Variants in RANBP3 observed in about 807,000 individuals in gnomAD.
RANBP3 encodes the protein RAN binding protein 3.
A neutral mutation model predicts 77.3 loss-of-function variants in RANBP3; 14 were observed. The ratio of observed to expected loss-of-function variants is 0.18; its 90% confidence interval spans 0.12 to 0.28. RANBP3 has a LOEUF of 0.28. Among genes scored for constraint, RANBP3 ranks in the 10% least tolerant of loss-of-function variants. The probability of loss-of-function intolerance (pLI) is 1.00; values close to 1 mark genes in which losing one functional copy is unlikely to be tolerated. For missense variants in RANBP3, 586 were observed against 752.3 expected, an observed-to-expected ratio of 0.78 and a Z score of 2.59; for synonymous variants, 315 against 312.4, an observed-to-expected ratio of 1.01 and a Z score of -0.09.
rs1437060765 is a variant in RANBP3 at position 5,978,110 on chromosome 19, C to A, written c.-28G>T. ...TACTTCCTTAAGCCCTCCCACAAGGCCCCGCGCCGGCCCAGGCTCGCCTGC... is the reference window on the plus strand; with the variant it reads ...TACTTCCTTAAGCCCTCCCACAAGGACCCGCGCCGGCCCAGGCTCGCCTGC... On this transcript the variant is annotated 5_prime_UTR_variant, in exon 1 of 17. Transcript: ENST00000340578. 2 of 1,602,692 alleles carry A rather than the reference C, an allele frequency of 1.2e-6. No individual in the cohort carries two copies. The highest frequency in any genetic ancestry group is 1.4e-5 in the African/African-American group (1 of 73,412).
chr19:5,972,805 C>A (rs1429549025), intron 1 of RANBP3, among the ~76,000 whole-genome samples: 1 of 152,222 alleles, frequency 6.6e-6, no homozygotes, highest in Non-Finnish European at 1.5e-5. Flanking sequence ...CCCATTCCTG[C>A]TGCTTCTGCT....
At position 5,958,269 on chromosome 19, in the gene RANBP3, GGA is replaced by G. The variant is rs570705375; in HGVS notation, c.23-298_23-297del. On this transcript the variant is annotated intron_variant, in intron 1 of 16. Coordinates refer to ENST00000340578, the MANE Select transcript of RANBP3 (RefSeq NM_007322.3). This position sits in a 1 kb window ranked among gnomAD's most constrained non-coding sequence, Gnocchi z 4.4. The stretch of plus-strand genomic sequence containing the variant: ...GTGTAAATGGGAGTGGGAGAGCAGC[GGA>G]GAGTGTGGCAGCGCTATTTGGCGCC... Among the ~76,000 whole-genome samples the G allele has an allele frequency of 1.6e-4, 24 of 152,272 alleles. No homozygotes were observed. The highest frequency in any genetic ancestry group is 3.4e-3 in the Middle Eastern group (1 of 294).
intron 3 of RANBP3, among the ~76,000 whole-genome samples, chr19:5,947,300 G>A (rs550886503): frequency 6.1e-5 from 9 of 147,760 alleles, no homozygotes; most frequent in African/African-American, 2.3e-4. Context: ...GGCAACAGAG[G>A]GAGACTCTGT....
rs1164381520 is a variant in RANBP3 at position 5,959,205 on chromosome 19, G to C, written c.23-1232C>G. ...AGGCGGTGGGCATGCTGACTTGCTG[G>C]GGAAATGTCATAAAAGGCAAGGGGA... On this transcript the variant is annotated intron_variant, in intron 1 of 16. Coordinates refer to ENST00000340578, the MANE Select transcript of RANBP3 (RefSeq NM_007322.3). The surrounding 1 kb of genome is among the most constrained non-coding windows in gnomAD (Gnocchi z 5.1). Among the ~76,000 whole-genome samples, 1 of 152,126 alleles carries C rather than the reference G, an allele frequency of 6.6e-6. No individual in the cohort carries two copies. The highest frequency in any genetic ancestry group is 6.5e-5 in the Admixed American group (1 of 15,270).
At chr19:5,946,117 T>G (rs963813441) in intron 3 of RANBP3, among the ~76,000 whole-genome samples, 1 of 152,188 alleles carries the variant, frequency 6.6e-6, no homozygotes, top group South Asian at 2.1e-4. Context: ...CCTGCGTGTC[T>G]GAGATGCTGT....
chr19:5,946,833 TCCA>T (rs1302255263), intron 3 of RANBP3, among the ~76,000 whole-genome samples: 1 of 152,192 alleles, frequency 6.6e-6, no homozygotes, highest in African/African-American at 2.4e-5. Context: ...CAATGCCAGC[TCCA>T]CATTTTCCAT....
rs1052060838 is a variant in RANBP3, at chr19:5,916,841, ACTC to A, written c.*766_*768del. Reference sequence around the variant, plus strand: ...CAGGCCTAGGACAGACAGGGCCCCAACTCCTCATCACCCCATGACTTGGCCTGG... The same window carrying A: ...CAGGCCTAGGACAGACAGGGCCCCAACTCATCACCCCATGACTTGGCCTGG... On this transcript the variant is annotated 3_prime_UTR_variant, in exon 17 of 17. Coordinates refer to ENST00000340578, the MANE Select transcript of RANBP3 (RefSeq NM_007322.3). 3 of 151,840 alleles carry A rather than the reference ACTC, an allele frequency of 2.0e-5. No individual in the cohort carries two copies. Among genetic ancestry groups the A allele is most frequent in the Non-Finnish European group, 4.4e-5 (3 of 68,012 alleles). The allele number at this position is 151,840 out of a possible 1,614,324, so 9.4% of individuals were successfully genotyped here.
intron 5 of RANBP3, among the ~76,000 whole-genome samples, chr19:5,941,011 C>A (rs1393342734): frequency 6.6e-6 from 1 of 152,268 alleles, no homozygotes; most frequent in African/African-American, 2.4e-5. Flanking sequence ...CCAGGCCTCA[C>A]GTCCAGGGCC....
chr19:5,932,560 G>A lies in RANBP3; in HGVS notation c.473-16C>T, dbSNP rs745696959. ...CTTGGCAGACCTAGGAACAGAAGGC[G>A]GCCTTCCCAGTGCCCGTGGACCCCT... is the stretch of plus-strand genomic sequence containing the variant. On this transcript the variant is annotated splice_polypyrimidine_tract_variant and intron_variant, in intron 6 of 16. Coordinates refer to ENST00000340578, the MANE Select transcript of RANBP3 (RefSeq NM_007322.3). 1.4e-5 allele frequency: 22 copies of A among 1,610,468 alleles called. No homozygotes were observed. The highest frequency in any genetic ancestry group is 4.0e-5 in the African/African-American group (3 of 74,988).
chr19:5,923,099 G>A, intron 13 of RANBP3, 95 bp downstream of exon 13: 2 of 981,840 alleles, frequency 2.0e-6, no homozygotes, highest in Non-Finnish European at 3.2e-6. Context: ...TCAGGGGCAG[G>A]CCTGTGTGCT....
At chr19:5,977,363 A>C (rs929007621) in intron 1 of RANBP3, among the ~76,000 whole-genome samples, 1 of 152,160 alleles carries the variant, frequency 6.6e-6, no homozygotes, top group African/African-American at 2.4e-5. Flanking sequence ...CGCTCCACAG[A>C]GGAGGGACTC....
intron 2 of RANBP3, among the ~76,000 whole-genome samples, chr19:5,953,914 T>C (rs372702167): frequency 1.2e-4 from 19 of 152,252 alleles, no homozygotes; most frequent in African/African-American, 4.3e-4. Flanking sequence ...CCTGGAACGA[T>C]AGGATTTGGC....
chr19:5,933,080 G>A (rs966780572), intron 6 of RANBP3: 8 of 323,072 alleles, frequency 2.5e-5, no homozygotes, highest in Non-Finnish European at 4.6e-5. Flanking sequence ...TAACTGGGGC[G>A]AACACTGTGG....
Position 5,921,536 on chromosome 19 carries a change from A to G in RANBP3, c.1210-215T>C, listed in dbSNP as rs975437076. ...AATTAAAAGAATCACTAAGGAAATG[A>G]AAAGCAAAACAACGGTGAGAAGCCT... On this transcript the variant is annotated intron_variant, in intron 13 of 16. Coordinates refer to ENST00000340578, the MANE Select transcript of RANBP3 (RefSeq NM_007322.3). This position sits in a 1 kb window ranked among gnomAD's most constrained non-coding sequence, Gnocchi z 5.3. Among the ~76,000 whole-genome samples the G allele has an allele frequency of 6.6e-6, 1 of 152,258 alleles. No homozygotes were observed. Among genetic ancestry groups the G allele is most frequent in the African/African-American group, 2.4e-5 (1 of 41,472 alleles).
intron 1 of RANBP3, among the ~76,000 whole-genome samples, chr19:5,960,937 G>T (rs1003062327): frequency 1.3e-5 from 2 of 152,204 alleles, no homozygotes; most frequent in Non-Finnish European, 2.9e-5. Flanking sequence ...TATGGAAGGG[G>T]ACGTGAGGGT....
Position 5,957,978 on chromosome 19 carries a change from A to G in RANBP3, c.23-5T>C. On this transcript the variant is annotated splice_polypyrimidine_tract_variant and splice_region_variant and intron_variant, in intron 1 of 16. Transcript: ENST00000340578. ...GCGGAGCAATGGCAGGCTTTTCTGC[A>G]AAAAGAAAAATTAGTTTTTTTCCCC... 6.2e-7 allele frequency: 1 copy of G among 1,614,230 alleles called. No homozygotes were observed. Among genetic ancestry groups the G allele is most frequent in the South Asian group, 1.1e-5 (1 of 91,088 alleles).
rs185196765 is a variant in RANBP3 at position 5,970,019 on chromosome 19, T to A, written c.22+8042A>T. Reference sequence around the variant, plus strand: ...TGGTTCTCACCCAGGAGTAACTTCATCTCCCTGGAGACACTGGTCAAAATC... The same window carrying A: ...TGGTTCTCACCCAGGAGTAACTTCAACTCCCTGGAGACACTGGTCAAAATC... On this transcript the variant is annotated intron_variant, in intron 1 of 16. Transcript: ENST00000340578. Among the ~76,000 whole-genome samples the A allele has an allele frequency of 3.3e-5, 5 of 152,322 alleles. No individual in the cohort carries two copies. In the East Asian group the frequency reaches 9.7e-4, roughly 29 times the overall value.
intron 1 of RANBP3, among the ~76,000 whole-genome samples, chr19:5,970,646 A>G (rs1051135949): frequency 6.6e-6 from 1 of 152,186 alleles, no homozygotes; most frequent in African/African-American, 2.4e-5. Context: ...CCCAATGTCA[A>G]GAATACTGAG....
At chr19:5,965,763 T>C (rs74334022) in intron 1 of RANBP3, 207 of 152,354 alleles carry the variant, frequency 1.4e-3, no homozygotes, top group African/African-American at 4.7e-3. Context: ...TCTGCCATGA[T>C]ATGCACAGCA....
Sources: gnomAD v4.1 joint callset for allele counts (sites outside exome capture counted in the v4.1 genomes callset) on GRCh38, gnomAD v4.1.1 for gene constraint, Gnocchi (gnomAD v3.1) non-coding constraint, MANE v1.5 for transcripts, NCBI Gene and HGNC (gene_info 2026-07-23, HGNC 2026-07-21) for gene names.